The following NBEA variants were observed in gnomAD, a reference collection of about 807,000 sequenced individuals.
NBEA encodes the protein neurobeachin, also known as lysosomal-trafficking regulator 2.
In NBEA, 44 loss-of-function variants were observed where a neutral mutation model predicts 343.4. The observed-to-expected ratio is 0.13, with a 90% CI of 0.10 to 0.16. NBEA has a LOEUF of 0.16. Among genes scored for constraint, NBEA ranks in the 10% least tolerant of loss-of-function variants. The pLI is 1.00. For missense variants in NBEA, 2,555 were observed against 3,631.3 expected (o/e 0.70, Z 7.62); for synonymous variants, 1,175 against 1,238.7 (o/e 0.95, Z 1.08).
intron 40 of NBEA, among the ~76,000 whole-genome samples, chr13:35,468,726 G>A (rs2075509758): frequency 6.6e-6 from 1 of 151,932 alleles, no homozygotes; most frequent in South Asian, 2.1e-4. Context: ...TGTTCTTGGT[G>A]GTCTTTGGCA....
chr13:35,274,842 A>C (rs776252227), intron 34 of NBEA, among the ~76,000 whole-genome samples: 1 of 152,220 alleles, frequency 6.6e-6, no homozygotes, highest in African/African-American at 2.4e-5. Flanking sequence ...ACCACTGCTC[A>C]ATGAAATAAA....
chr13:34,966,642 C>G (rs1452694504), intron 1 of NBEA, among the ~76,000 whole-genome samples: 1 of 146,800 alleles, frequency 6.8e-6, no homozygotes, highest in Non-Finnish European at 1.5e-5. Flanking sequence ...TTTTCTCTCT[C>G]TCTCTCTCTG....
chr13:35,666,962 C>T lies in NBEA; in HGVS notation c.8465-412C>T, dbSNP rs142646611. On this transcript the variant is annotated intron_variant, in intron 56 of 58. Transcript: ENST00000379939. ...GGCAGTGTATTGATGTGGTACAACG[C>T]GTAAAATTTTGATGCTACTTGAGAA... Among the ~76,000 whole-genome samples, 705 of 152,222 alleles carry T rather than the reference C, an allele frequency of 4.6e-3. 5 individuals carry two copies. Among genetic ancestry groups the T allele is most frequent in the African/African-American group, 0.016 (651 of 41,530 alleles).
intron 31 of NBEA, among the ~76,000 whole-genome samples, chr13:35,205,703 G>C (rs1241588121): frequency 6.6e-6 from 1 of 152,010 alleles, no homozygotes; most frequent in Non-Finnish European, 1.5e-5. Flanking sequence ...TATAGACCCA[G>C]ACTATATCAG....
At chr13:35,157,349 A>G (rs2069239488) in intron 21 of NBEA, 79 bp downstream of exon 21, 2 of 1,079,572 alleles carry the variant, frequency 1.9e-6, no homozygotes, top group Non-Finnish European at 2.5e-6. Flanking sequence ...ATCTGGTGCC[A>G]TCTTGTGGGC....
chr13:35,001,882 C>T (rs1167780136), intron 1 of NBEA, among the ~76,000 whole-genome samples: 1 of 152,092 alleles, frequency 6.6e-6, no homozygotes, highest in Non-Finnish European at 1.5e-5. Context: ...CTGATTTCAT[C>T]ATTATACATT....
intron 38 of NBEA, among the ~76,000 whole-genome samples, chr13:35,423,333 G>A (rs1372133702): frequency 6.6e-6 from 1 of 152,148 alleles, no homozygotes; most frequent in Non-Finnish European, 1.5e-5. Context: ...TGTATAAGGT[G>A]TAAGGAAGGG....
intron 41 of NBEA, among the ~76,000 whole-genome samples, chr13:35,493,232 C>T (rs1285378914): frequency 6.6e-6 from 1 of 151,678 alleles, no homozygotes; most frequent in African/African-American, 2.4e-5. Flanking sequence ...AACAAATGGG[C>T]CTAAGAGGGG....
At chr13:35,388,643 TA>T (rs567356425) in intron 38 of NBEA, among the ~76,000 whole-genome samples, 12 of 152,312 alleles carry the variant, frequency 7.9e-5, no homozygotes, top group Admixed American at 7.9e-4. Context: ...TAGATCATTT[TA>T]AGACTGCTGT....
chr13:35,476,014 A>T, intron 41 of NBEA: 1 of 1,614,166 alleles, frequency 6.2e-7, no homozygotes, highest in Non-Finnish European at 8.5e-7. Context: ...CACTTCCTTC[A>T]GTACGTCGGA....
At chr13:35,399,650 G>A (rs540951885) in intron 38 of NBEA, among the ~76,000 whole-genome samples, 2 of 152,252 alleles carry the variant, frequency 1.3e-5, no homozygotes, top group South Asian at 4.1e-4. Context: ...GTTCACTGGA[G>A]AAGAACATTT....
intron 41 of NBEA, among the ~76,000 whole-genome samples, chr13:35,539,942 A>AAAAAAAAAAT (rs1566289232): frequency 6.8e-5 from 10 of 147,700 alleles, no homozygotes; most frequent in East Asian, 5.9e-4. Context: ...AAAAAAAAAA[A>AAAAAAAAAAT]GTGCACTAGT....
At chr13:35,505,772 A>T (rs375580545) in intron 41 of NBEA, among the ~76,000 whole-genome samples, 45 of 152,290 alleles carry the variant, frequency 3.0e-4, no homozygotes, top group African/African-American at 1.0e-3. Context: ...TGTGTGTGGG[A>T]CATTTTAAAA....
At position 34,942,781 on chromosome 13, in the gene NBEA, C is replaced by T; in HGVS notation, c.-40C>T. On this transcript the variant is annotated 5_prime_UTR_variant, in exon 1 of 59. Coordinates refer to ENST00000379939, the MANE Select transcript of NBEA (RefSeq NM_001385012.1). Reference sequence around the variant, plus strand: ...GCAGGTATAACGGTACCGGCGGCGGCAGCGCCGCTGCTCTTCCCTTCTCCT... The same window carrying T: ...GCAGGTATAACGGTACCGGCGGCGGTAGCGCCGCTGCTCTTCCCTTCTCCT... 3 of 1,304,828 alleles carry T rather than the reference C, an allele frequency of 2.3e-6. No homozygotes were observed. Among genetic ancestry groups the T allele is most frequent in the East Asian group, 3.1e-5 (1 of 31,834 alleles). 80.8% of individuals were successfully genotyped at this position (1,304,828 alleles called of 1,614,324 possible). A position where few individuals can be genotyped will look rare whatever the true frequency, so the allele number is the denominator to read the frequency against.
chr13:34,995,483 AAAACAAAC>A (rs1346513186), intron 1 of NBEA, among the ~76,000 whole-genome samples: 1 of 152,172 alleles, frequency 6.6e-6, no homozygotes, highest in African/African-American at 2.4e-5. Flanking sequence ...GCCTGAGCAA[AAAACAAAC>A]AAACAAACCA....
intron 38 of NBEA, among the ~76,000 whole-genome samples, chr13:35,428,408 C>A (rs903020123): frequency 6.6e-6 from 1 of 152,146 alleles, no homozygotes; most frequent in Non-Finnish European, 1.5e-5. Flanking sequence ...TCACTTTTTC[C>A]TCTATTTCCT....
chr13:35,013,807 T>A (rs2061563428), intron 1 of NBEA, among the ~76,000 whole-genome samples: 1 of 152,168 alleles, frequency 6.6e-6, no homozygotes, highest in African/African-American at 2.4e-5. Flanking sequence ...TTTGCTACAT[T>A]TTGCTTTTAG....
At chr13:35,152,407 G>T (rs1013317343) in intron 18 of NBEA, among the ~76,000 whole-genome samples, 1 of 152,126 alleles carries the variant, frequency 6.6e-6, no homozygotes, top group Non-Finnish European at 1.5e-5. Context: ...AACCTGTAAA[G>T]ATTCTCTGAC....
chr13:35,447,033 G>A (rs923259935), intron 39 of NBEA, among the ~76,000 whole-genome samples: 2 of 151,990 alleles, frequency 1.3e-5, no homozygotes, highest in African/African-American at 4.8e-5. Context: ...TAGTATAGAT[G>A]TTTTAGAGTT....
Sources: gnomAD v4.1 joint callset for allele counts (sites outside exome capture counted in the v4.1 genomes callset) on GRCh38, gnomAD v4.1.1 for gene constraint, MANE v1.5 for transcripts, NCBI Gene and HGNC (gene_info 2026-07-23, HGNC 2026-07-21) for gene names.